SGSM2: variants seen among roughly 807,000 people sequenced by gnomAD.
SGSM2 encodes small G protein signaling modulator 2.
Under a neutral mutation model 126.6 loss-of-function variants are expected in SGSM2, and 89 were observed. That is an observed-to-expected ratio of 0.70 (90% CI 0.59 to 0.84). The LOEUF (loss-of-function observed/expected upper bound fraction) is 0.84. SGSM2 is among the 40% of genes least tolerant of loss of function. SGSM2 has a pLI of 0.00. For missense variants in SGSM2, 1,404 were observed against 1,416.6 expected (o/e 0.99, Z 0.14); for synonymous variants, 614 against 574.3 (o/e 1.07, Z -0.99).
chr17:2,377,454 A>G (rs2066221609), intron 21 of SGSM2: 1 of 186,036 alleles, frequency 5.4e-6, no homozygotes, highest in South Asian at 1.0e-4. Context: ...ACTGCACTCC[A>G]GCCTGGGTGA....
chr17:2,364,639 G>A lies in SGSM2; in HGVS notation c.976G>A (p.Val326Met), dbSNP rs376669048. 4.6e-5 allele frequency: 74 copies of A among 1,614,064 alleles called. No homozygotes were observed. The highest frequency in any genetic ancestry group is 2.9e-4 in the African/African-American group (22 of 74,932). Residue 326 changes from valine (V) to methionine (M), a missense_variant, in exon 9 of 24, where the codon GTG (valine) becomes ATG (methionine). Physicochemically the swap from Val to Met is conservative, Grantham distance 21. Coordinates refer to ENST00000268989, the MANE Select transcript of SGSM2 (RefSeq NM_014853.3). ...CCTCGTGGTGCCCTTCAGCCAGGTC[G>A]TGTGCATCCACTGCCACCAGCAAAG... ...YALVVPFSQV[V>M]CIHCHQQKSG...
At chr17:2,361,253 C>T (rs936317187) in intron 2 of SGSM2, among the ~76,000 whole-genome samples, 10 of 152,256 alleles carry the variant, frequency 6.6e-5, no homozygotes, top group Non-Finnish European at 1.2e-4. Context: ...CCGCATCCTC[C>T]GTGCCCTCCA....
At chr17:2,365,133 G>A (rs901543130) in intron 10 of SGSM2, 76 bp downstream of exon 10, 3 of 1,593,530 alleles carry the variant, frequency 1.9e-6, no homozygotes, top group Middle Eastern at 1.7e-4. Flanking sequence ...TCCCCACGTG[G>A]AGTTCTTAGG....
At chr17:2,338,694 G>A (rs1226955592) in intron 1 of SGSM2, among the ~76,000 whole-genome samples, 3 of 151,204 alleles carry the variant, frequency 2.0e-5, no homozygotes, top group Non-Finnish European at 2.9e-5. Flanking sequence ...AGACTTCGAG[G>A]CCTGGTGTTT....
intron 22 of SGSM2, among the ~76,000 whole-genome samples, chr17:2,378,645 G>T (rs1185654535): frequency 6.6e-6 from 1 of 152,228 alleles, no homozygotes; most frequent in Non-Finnish European, 1.5e-5. Context: ...ATAGTTTGGG[G>T]AACTTTTTTC....
At chr17:2,375,937 C>G in intron 18 of SGSM2, 62 bp downstream of exon 18, 1 of 1,512,698 alleles carries the variant, frequency 6.6e-7, no homozygotes, top group South Asian at 1.3e-5. Flanking sequence ...CATCCCAGAG[C>G]TGGGGAAGCG....
In SGSM2 at chr17:2,363,490, G is replaced by A; in HGVS notation, c.698G>A (p.Ser233Asn). Reference protein sequence around the residue: ...LGIRKRHSSGSASEDRLAACA... With the variant: ...LGIRKRHSSGNASEDRLAACA... ...ATCCGGAAACGGCACTCAAGCGGCAGCGCGTCGGAGGACAGGCTGGCTGCC... is the reference window on the plus strand; with the variant it reads ...ATCCGGAAACGGCACTCAAGCGGCAACGCGTCGGAGGACAGGCTGGCTGCC... The change falls in exon 7 of 24, where the codon AGC becomes AAC. Residue 233 changes from serine to asparagine, a missense_variant. Transcript: ENST00000268989. This position sits in a 1 kb window ranked among gnomAD's most constrained non-coding sequence, Gnocchi z 4.2. 6.2e-7 allele frequency: 1 copy of A among 1,613,470 alleles called. No homozygotes were observed. Among genetic ancestry groups the A allele is most frequent in the Non-Finnish European group, 8.5e-7 (1 of 1,180,022 alleles).
At chr17:2,369,034 C>G (rs1484450140) in intron 12 of SGSM2, among the ~76,000 whole-genome samples, 1 of 152,196 alleles carries the variant, frequency 6.6e-6, no homozygotes, top group Non-Finnish European at 1.5e-5. Flanking sequence ...ATCTGTGCAT[C>G]CTCTCAAGGA....
Position 2,337,893 on chromosome 17 carries a change from C to G in SGSM2, c.57+148C>G, listed in dbSNP as rs2064151941. ...GTCCTGGACGGGCTGCGCCTCCTTC[C>G]CCTTTCTCGGATGGGGGAGGGCAGC... On this transcript the variant is annotated intron_variant, in intron 1 of 23. Coordinates refer to ENST00000268989, the MANE Select transcript of SGSM2 (RefSeq NM_014853.3). This position sits in a 1 kb window ranked among gnomAD's most constrained non-coding sequence, Gnocchi z 5.1. 2.3e-6 allele frequency: 1 copy of G among 429,630 alleles called. No individual in the cohort carries two copies. Among genetic ancestry groups the G allele is most frequent in the Non-Finnish European group, 3.9e-6 (1 of 257,740 alleles). The allele number at this position is 429,630 out of a possible 1,614,324, so 26.6% of individuals were successfully genotyped here.
chr17:2,359,879 A>C (rs1019858795), intron 2 of SGSM2, among the ~76,000 whole-genome samples: 10 of 152,190 alleles, frequency 6.6e-5, no homozygotes, highest in African/African-American at 2.4e-4. Flanking sequence ...GTGCAACCCC[A>C]GGAAATGATC....
chr17:2,359,089 G>A (rs2065205146), intron 2 of SGSM2, among the ~76,000 whole-genome samples: 1 of 152,052 alleles, frequency 6.6e-6, no homozygotes, highest in Non-Finnish European at 1.5e-5. Context: ...GTGTTAGCCA[G>A]GATGGTCTCA....
chr17:2,348,832 A>C (rs1185420517), intron 2 of SGSM2, among the ~76,000 whole-genome samples: 1 of 152,066 alleles, frequency 6.6e-6, no homozygotes, highest in Non-Finnish European at 1.5e-5. Context: ...GTGTGATCAT[A>C]GCTCACTCAG....
At chr17:2,350,825 C>T (rs772055649) in intron 2 of SGSM2, among the ~76,000 whole-genome samples, 1 of 152,170 alleles carries the variant, frequency 6.6e-6, no homozygotes, top group Non-Finnish European at 1.5e-5. Context: ...GCCGAGAAGC[C>T]TTTCACACCT....
At chr17:2,373,262 AG>A in intron 16 of SGSM2, 68 bp from the exon 17 acceptor site, 1 of 1,568,090 alleles carries the variant, frequency 6.4e-7, no homozygotes, top group Non-Finnish European at 8.7e-7. Flanking sequence ...GGTCCAGTGC[AG>A]GCCCAGCTCC....
At position 2,367,286 on chromosome 17, in the gene SGSM2, A is replaced by T. The variant is rs1304693304; in HGVS notation, c.1304A>T (p.His435Leu). Residue 435 changes from histidine to leucine, a missense_variant, in exon 12 of 24, where the codon CAC becomes CTC. Coordinates refer to ENST00000268989, the MANE Select transcript of SGSM2 (RefSeq NM_014853.3). The surrounding 1 kb of genome is among the most constrained non-coding windows in gnomAD (Gnocchi z 4.0). The stretch of plus-strand genomic sequence containing the variant: ...CTTTGAGCAGTCACTATTAACTACC[A>T]CCACCTAGCGGCCAGCCGCGCGGCC... ...HRHEHITINY[H>L]HLAASRAASV... 2.4e-5 allele frequency: 39 copies of T among 1,612,998 alleles called. No individual in the cohort carries two copies. The highest frequency in any genetic ancestry group is 3.2e-5 in the Non-Finnish European group (38 of 1,179,720).
intron 2 of SGSM2, among the ~76,000 whole-genome samples, chr17:2,351,026 G>GTGGATCA (rs2064823853): frequency 6.6e-6 from 1 of 152,096 alleles, no homozygotes; most frequent in South Asian, 2.1e-4. Flanking sequence ...GCTGAGGAGG[G>GTGGATCA]TGGATCACTT....
At chr17:2,369,545 A>G (rs557254134) in intron 12 of SGSM2, among the ~76,000 whole-genome samples, 61 of 151,972 alleles carry the variant, frequency 4.0e-4, no homozygotes, top group African/African-American at 1.5e-3. Flanking sequence ...AGCTATCTGC[A>G]CTGGGCTCGC....
At chr17:2,369,837 C>A (rs530350410) in intron 12 of SGSM2, among the ~76,000 whole-genome samples, 7 of 152,166 alleles carry the variant, frequency 4.6e-5, no homozygotes, top group Admixed American at 3.3e-4. Flanking sequence ...TGCACCTGCA[C>A]CCTCCCCTTC....
At chr17:2,352,771 T>TTTTC (rs1567810376) in intron 2 of SGSM2, among the ~76,000 whole-genome samples, 1 of 85,130 alleles carries the variant, frequency 1.2e-5, no homozygotes, top group Non-Finnish European at 2.0e-5. Flanking sequence ...CATTTTCTTT[T>TTTTC]TTTTTTTTTT....
Sources: allele counts gnomAD v4.1 joint callset (sites outside exome capture counted in the v4.1 genomes callset), GRCh38; gene constraint gnomAD v4.1.1; non-coding constraint Gnocchi (gnomAD v3.1); transcripts MANE v1.5; gene names NCBI Gene and HGNC (gene_info 2026-07-23, HGNC 2026-07-21).